Variants in GALNTL6 observed in about 807,000 individuals in gnomAD.
GALNTL6 encodes the protein polypeptide N-acetylgalactosaminyltransferase like 6.
GALNTL6 carries 46 observed loss-of-function variants against 73.7 expected under a neutral mutation model. The ratio of observed to expected loss-of-function variants is 0.62; its 90% confidence interval spans 0.49 to 0.80. The LOEUF (loss-of-function observed/expected upper bound fraction) is 0.80, where lower values mean the gene tolerates loss of function less well. Among genes scored for constraint, GALNTL6 ranks in the 30% least tolerant of loss-of-function variants. The pLI, the probability that GALNTL6 is intolerant of heterozygous loss-of-function variation, is 0.00. For synonymous variants in GALNTL6, 259 were observed against 263.7 expected, an observed-to-expected ratio of 0.98 and a Z score of 0.17; for missense variants, 604 against 755.0, an observed-to-expected ratio of 0.80 and a Z score of 2.34.
At chr4:172,144,896 T>G (rs909265413) in intron 2 of GALNTL6, among the ~76,000 whole-genome samples, 6 of 152,186 alleles carry the variant, frequency 3.9e-5, no homozygotes, top group African/African-American at 1.2e-4. Flanking sequence ...ATTTTCATTT[T>G]GTGTTAAATG....
At chr4:172,595,987 A>C (rs1303797136) in intron 5 of GALNTL6, among the ~76,000 whole-genome samples, 1 of 152,102 alleles carries the variant, frequency 6.6e-6, no homozygotes, top group Non-Finnish European at 1.5e-5. Context: ...TATATAAAAC[A>C]TATACATATA....
chr4:171,955,619 A>T (rs1027761), intron 2 of GALNTL6, among the ~76,000 whole-genome samples: 142,584 of 152,190 alleles, frequency 0.94, 67,314 homozygotes, highest in Non-Finnish European at 1. Flanking sequence ...TCGTTGTTAT[A>T]CTGTATCGTT....
chr4:171,818,720 C>T (rs1373154285), intron 2 of GALNTL6, among the ~76,000 whole-genome samples: 1 of 151,866 alleles, frequency 6.6e-6, no homozygotes, highest in Non-Finnish European at 1.5e-5. Context: ...TGAGAGCTCA[C>T]ACCTTATATA....
At chr4:172,498,138 G>A (rs1032915193) in intron 5 of GALNTL6, among the ~76,000 whole-genome samples, 2 of 151,738 alleles carry the variant, frequency 1.3e-5, no homozygotes, top group African/African-American at 2.4e-5. Context: ...CTACAGGCAC[G>A]CACCACCACA....
At chr4:172,498,601 G>A (rs562597048) in intron 5 of GALNTL6, among the ~76,000 whole-genome samples, 111 of 152,196 alleles carry the variant, frequency 7.3e-4, no homozygotes, top group African/African-American at 2.5e-3. Context: ...GAGTAAATAC[G>A]AGTTTTAAAT....
At chr4:172,474,165 T>A (rs1733150700) in intron 5 of GALNTL6, among the ~76,000 whole-genome samples, 1 of 152,124 alleles carries the variant, frequency 6.6e-6, no homozygotes, top group South Asian at 2.1e-4. Flanking sequence ...AGAGTGCTCT[T>A]TTCTCAGATA....
At chr4:172,762,167 G>A (rs1392207195) in intron 5 of GALNTL6, among the ~76,000 whole-genome samples, 1 of 152,210 alleles carries the variant, frequency 6.6e-6, no homozygotes, top group Non-Finnish European at 1.5e-5. Flanking sequence ...CTCTTATTTT[G>A]TAGATTTTCA....
chr4:171,895,919 C>A lies in GALNTL6; in HGVS notation c.138+81201C>A, dbSNP rs77803205. 4.1e-3 allele frequency among the ~76,000 whole-genome samples: 594 copies of A among 145,630 alleles called. 3 individuals are homozygous for A. The highest frequency in any genetic ancestry group is 0.015 in the African/African-American group (577 of 39,628). The stretch of plus-strand genomic sequence containing the variant: ...AAAAATGCAATAGTGAAAAAAAAAA[C>A]AGAAAACAAAATGACTAAATAGAAT... On this transcript the variant is annotated intron_variant, in intron 2 of 12. Coordinates refer to ENST00000506823, the MANE Select transcript of GALNTL6 (RefSeq NM_001034845.3).
At chr4:172,672,115 T>C (rs1732020218) in intron 5 of GALNTL6, among the ~76,000 whole-genome samples, 1 of 152,156 alleles carries the variant, frequency 6.6e-6, no homozygotes, top group South Asian at 2.1e-4. Flanking sequence ...GAGCTCAAAC[T>C]CTCCACCTCA....
At chr4:172,241,650 G>C (rs891567079) in intron 3 of GALNTL6, among the ~76,000 whole-genome samples, 1 of 152,176 alleles carries the variant, frequency 6.6e-6, no homozygotes, top group Non-Finnish European at 1.5e-5. Context: ...CTTCCAAAGA[G>C]AGGTAAACCA....
In GALNTL6 at chr4:172,683,773, A is replaced by G. The variant is rs184112632; in HGVS notation, c.554-125588A>G. ...AGCAGTTAGTGAGATACTATTCACAACTAAGCAGACGGAGTTATTTTTCCC... is the reference window on the plus strand; with the variant it reads ...AGCAGTTAGTGAGATACTATTCACAGCTAAGCAGACGGAGTTATTTTTCCC... On this transcript the variant is annotated intron_variant, in intron 5 of 12. Coordinates refer to ENST00000506823, the MANE Select transcript of GALNTL6 (RefSeq NM_001034845.3). Among the ~76,000 whole-genome samples, 93 of 152,352 alleles carry G rather than the reference A, an allele frequency of 6.1e-4. 1 individual carries two copies. The South Asian group carries it at 0.016, about 25-fold the overall frequency.
intron 2 of GALNTL6, among the ~76,000 whole-genome samples, chr4:172,096,538 T>TAA (rs112060285): frequency 0.32 from 47,832 of 149,166 alleles, 7,878 homozygotes; most frequent in Non-Finnish European, 0.38. Flanking sequence ...GCCCTTTTTA[T>TAA]AAAAAAAAAA....
At chr4:172,666,833 A>G (rs2111193840) in intron 5 of GALNTL6, 1 of 152,322 alleles carries the variant, frequency 6.6e-6, no homozygotes, top group East Asian at 1.9e-4. Context: ...GAGAAGCACT[A>G]GTCTACGCTG....
intron 5 of GALNTL6, among the ~76,000 whole-genome samples, chr4:172,400,639 G>A (rs335993): frequency 0.87 from 132,059 of 152,008 alleles, 57,358 homozygotes; most frequent in South Asian, 0.89. Flanking sequence ...GCAGGTCCTA[G>A]ATAGAGGAGC....
At chr4:171,876,083 T>A (rs1015430478) in intron 2 of GALNTL6, among the ~76,000 whole-genome samples, 2 of 152,136 alleles carry the variant, frequency 1.3e-5, no homozygotes, top group African/African-American at 4.8e-5. Flanking sequence ...ATAGGTGAGA[T>A]AAGAAGGTTC....
Position 172,813,521 on chromosome 4 carries a change from T to C in GALNTL6, c.740-19T>C. On this transcript the variant is annotated intron_variant, in intron 6 of 12. Transcript: ENST00000506823. ...CTAGGCAGGCATGTCATTTCCTATT[T>C]TGTGCTTTCATTTTTCAGACCAAAT... The C allele has an allele frequency of 6.3e-7, 1 of 1,581,594 alleles. No individual in the cohort carries two copies. Among genetic ancestry groups the C allele is most frequent in the Non-Finnish European group, 8.7e-7 (1 of 1,154,992 alleles).
intron 3 of GALNTL6, among the ~76,000 whole-genome samples, chr4:172,270,272 T>C (rs1738598528): frequency 6.6e-6 from 1 of 152,198 alleles, no homozygotes; most frequent in South Asian, 2.1e-4. Flanking sequence ...TTCTACCAAT[T>C]GTATGTTTTT....
intron 5 of GALNTL6, among the ~76,000 whole-genome samples, chr4:172,552,567 G>A (rs1735991838): frequency 6.6e-6 from 1 of 151,918 alleles, no homozygotes; most frequent in African/African-American, 2.4e-5. Context: ...TGTTTTGCTT[G>A]TTTGTTTAAT....
intron 2 of GALNTL6, among the ~76,000 whole-genome samples, chr4:172,007,331 AAAG>A (rs1740871871): frequency 6.6e-6 from 1 of 152,126 alleles, no homozygotes; most frequent in African/African-American, 2.4e-5. Flanking sequence ...ATGTATGATT[AAAG>A]AAGATTATGA....
Sources: allele counts gnomAD v4.1 joint callset (sites outside exome capture counted in the v4.1 genomes callset), GRCh38; gene constraint gnomAD v4.1.1; transcripts MANE v1.5; gene names NCBI Gene and HGNC (gene_info 2026-07-23, HGNC 2026-07-21).